Variants in OPA1 observed in about 807,000 individuals in gnomAD.
OPA1 encodes the protein dynamin-like GTPase OPA1, mitochondrial.
Under a neutral mutation model 152.9 loss-of-function variants are expected in OPA1, and 59 were observed. The ratio of observed to expected loss-of-function variants is 0.39; its 90% CI spans 0.31 to 0.48. OPA1 has a LOEUF of 0.48. Among genes scored for constraint, OPA1 ranks in the 20% least tolerant of loss-of-function variants. OPA1 has a pLI of 0.96. For synonymous variants in OPA1, 400 were observed against 389.9 expected, an observed-to-expected ratio of 1.03 and a Z score of -0.31; for missense variants, 1,008 against 1,216.8, an observed-to-expected ratio of 0.83 and a Z score of 2.55.
At chr3:193,690,169 A>G (rs1721471513) in intron 29 of OPA1, among the ~76,000 whole-genome samples, 1 of 147,878 alleles carries the variant, frequency 6.8e-6, no homozygotes, top group Non-Finnish European at 1.5e-5. Flanking sequence ...TTGAGACTCA[A>G]CTTCTAGGAG....
At chr3:193,604,384 T>C (rs1285057479) in intron 1 of OPA1, among the ~76,000 whole-genome samples, 1 of 152,094 alleles carries the variant, frequency 6.6e-6, no homozygotes, top group Non-Finnish European at 1.5e-5. Context: ...GCTCATACAG[T>C]GGTGAAGCTA....
intron 26 of OPA1, 35 bp downstream of exon 26, chr3:193,662,997 C>T (rs1037974076): frequency 6.2e-7 from 1 of 1,607,870 alleles, no homozygotes. Context: ...GAATCTGCTT[C>T]CTTAATATTT....
intron 29 of OPA1, among the ~76,000 whole-genome samples, chr3:193,689,600 T>A (rs1721399037): frequency 6.6e-6 from 1 of 152,182 alleles, no homozygotes; most frequent in Admixed American, 6.5e-5. Flanking sequence ...TCTTGGTATC[T>A]TTCAATTCAA....
At chr3:193,626,299 C>T (rs1731127676) in intron 7 of OPA1, 97 bp downstream of exon 7, 3 of 832,634 alleles carry the variant, frequency 3.6e-6, no homozygotes, top group Non-Finnish European at 6.1e-6. Flanking sequence ...ACTCCAAATA[C>T]AAGAAATTAA....
At chr3:193,640,001 G>T (rs1270249718) in intron 11 of OPA1, among the ~76,000 whole-genome samples, 1 of 152,174 alleles carries the variant, frequency 6.6e-6, no homozygotes, top group African/African-American at 2.4e-5. Flanking sequence ...ATTGAAGGAT[G>T]TAGTTTGCAT....
At chr3:193,674,758 A>G (rs113765117) in intron 29 of OPA1, among the ~76,000 whole-genome samples, 3,893 of 152,276 alleles carry the variant, frequency 0.026, 53 homozygotes, top group Non-Finnish European at 0.03. Flanking sequence ...TACCTGCCAT[A>G]CCCTTGAGTG....
At chr3:193,607,394 T>G (rs1727457130) in intron 1 of OPA1, among the ~76,000 whole-genome samples, 1 of 152,220 alleles carries the variant, frequency 6.6e-6, no homozygotes. Context: ...ATTTTTATGG[T>G]TTTAGGTCTA....
At chr3:193,683,338 G>A (rs1224802982) in intron 29 of OPA1, among the ~76,000 whole-genome samples, 1 of 151,056 alleles carries the variant, frequency 6.6e-6, no homozygotes, top group African/African-American at 2.4e-5. Flanking sequence ...TCTGTTCCTG[G>A]TGAAGATGCT....
chr3:193,609,560 GT>G (rs1391877992), intron 1 of OPA1, among the ~76,000 whole-genome samples: 1 of 152,040 alleles, frequency 6.6e-6, no homozygotes, highest in Non-Finnish European at 1.5e-5. Flanking sequence ...CATTCTCTGT[GT>G]TTCCTGAATT....
rs927450242 is a variant in OPA1, at chr3:193,666,335, C to T, written c.2818C>T (p.Arg940Cys). 8.1e-6 allele frequency: 13 copies of T among 1,613,972 alleles called. No homozygotes were observed. In the Admixed American group the frequency reaches 8.3e-5, roughly 10 times the overall value. Residue 940 changes from arginine to cysteine, a missense_variant, in exon 28 of 31, where the codon CGC (arginine) becomes TGC (cysteine). By Grantham distance (180) the Arg-to-Cys change is radical (BLOSUM62 -3). Transcript: ENST00000361510. ...NDVVLFWRIQ[R>C]MLAITANTLR... The stretch of plus-strand genomic sequence containing the variant: ...TGTGGTCTTGTTTTGGCGTATACAG[C>T]GCATGCTTGCTATCACCGCAAATAC...
chr3:193,667,177 A>G lies in OPA1; in HGVS notation c.2880A>G (p.Arg960=), dbSNP rs144898877. ...RQQLTNTEVR[R]LEKNVKEVLE... is the part of the protein sequence containing the mutation. The stretch of plus-strand genomic sequence containing the variant: ...TTAACTTTCTTTAAACAGTTAGGCG[A>G]TTAGAGAAAAATGTTAAAGAGGTAT... Residue 960 remains arginine, a synonymous_variant, in exon 29 of 31, where the codon CGA becomes CGG. Transcript: ENST00000361510. 4.0e-4 allele frequency: 621 copies of G among 1,536,586 alleles called. No individual in the cohort carries two copies. Among genetic ancestry groups the G allele is most frequent in the African/African-American group, 2.2e-3 (165 of 73,512 alleles).
At position 193,631,662 on chromosome 3, in the gene OPA1, T is replaced by A; in HGVS notation, c.840T>A (p.Thr280=). 6.2e-7 allele frequency: 1 copy of A among 1,610,544 alleles called. No individual in the cohort carries two copies. Among genetic ancestry groups the A allele is most frequent in the Non-Finnish European group, 8.5e-7 (1 of 1,177,136 alleles). The change falls in exon 8 of 31, where the codon ACT becomes ACA. Residue 280 remains threonine (T), a synonymous_variant. Transcript: ENST00000361510. ...IDQLQEELLH[T]QLKYQRILER... is the part of the protein sequence containing the mutation. ...AACTTCAGGAAGAACTTCTGCACAC[T>A]CAGGTAATCATGATGACTAAGAAAA...
At chr3:193,647,293 T>C in intron 19 of OPA1, 113 bp downstream of exon 19, 1 of 719,946 alleles carries the variant, frequency 1.4e-6, no homozygotes. Flanking sequence ...TGGTAGTTCA[T>C]TTACAATTAG....
intron 8 of OPA1, among the ~76,000 whole-genome samples, chr3:193,633,576 A>G (rs995023681): frequency 1.3e-5 from 2 of 152,230 alleles, no homozygotes; most frequent in Non-Finnish European, 2.9e-5. Context: ...TGGGTTATCT[A>G]TATCAATGAT....
intron 26 of OPA1, 24 bp from the exon 27 acceptor site, chr3:193,664,856 G>C (rs1293031332): frequency 4.9e-6 from 6 of 1,230,708 alleles, no homozygotes; most frequent in Non-Finnish European, 6.0e-6. Context: ...CAGTAACTCT[G>C]GGCTTTCTTT....
intron 21 of OPA1, 40 bp from the exon 22 acceptor site, chr3:193,654,817 AATATT>A (rs1713409815): frequency 1.9e-6 from 3 of 1,584,868 alleles, no homozygotes. Context: ...TTTTAAAAAC[AATATT>A]ATATTTAGAT....
intron 6 of OPA1, among the ~76,000 whole-genome samples, chr3:193,623,159 A>T (rs571161839): frequency 6.6e-6 from 1 of 152,080 alleles, no homozygotes; most frequent in Non-Finnish European, 1.5e-5. Context: ...CTATATCCTT[A>T]CATAGCAAAA....
In OPA1 at chr3:193,658,863, T is replaced by G. The variant is rs751028895; in HGVS notation, c.2332-24T>G. 5.1e-6 allele frequency: 8 copies of G among 1,566,002 alleles called. No homozygotes were observed. The African/African-American group carries it at 1.1e-4, about 21-fold the overall frequency. On this transcript the variant is annotated intron_variant, in intron 23 of 30. Coordinates refer to ENST00000361510, the MANE Select transcript of OPA1 (RefSeq NM_130837.3). ...ATGATGAGATGTAAAACAAGTTGGC[T>G]TTTTCTCTTCTTGTTATTTTCAGAG...
At chr3:193,616,090 A>G (rs1728972065) in intron 3 of OPA1, among the ~76,000 whole-genome samples, 1 of 152,116 alleles carries the variant, frequency 6.6e-6, no homozygotes, top group African/African-American at 2.4e-5. Context: ...ATCATAACTC[A>G]CTGCAGCCCT....
Sources: gnomAD v4.1 joint callset for allele counts (sites outside exome capture counted in the v4.1 genomes callset) on GRCh38, gnomAD v4.1.1 for gene constraint, MANE v1.5 for transcripts, NCBI Gene and HGNC (gene_info 2026-07-23, HGNC 2026-07-21) for gene names.